Variants in LIMA1 observed in about 807,000 individuals in gnomAD.
The protein encoded by LIMA1 is LIM domain and actin binding 1.
Under a neutral mutation model 62.6 loss-of-function variants are expected in LIMA1, and 52 were observed. The observed-to-expected ratio is 0.83, with a 90% CI of 0.67 to 1.05. LIMA1 has a LOEUF of 1.05. LIMA1 is among the 50% of genes least tolerant of loss of function. The pLI is 0.00. For synonymous variants in LIMA1, 302 were observed against 317.8 expected (o/e 0.95, Z 0.53); for missense variants, 780 against 902.2 (o/e 0.86, Z 1.74).
Position 50,261,104 on chromosome 12 carries a change from G to A in LIMA1, c.-23-12330C>T, listed in dbSNP as rs557358765. On this transcript the variant is annotated intron_variant, in intron 1 of 10. Transcript: ENST00000341247. ...GTCTCGCTCTGTCGCCCAGGCTGGA[G>A]GGCAGTGGCGTGATCTGGGCTCACT... 1.1e-4 allele frequency among the ~76,000 whole-genome samples: 15 copies of A among 132,338 alleles called. No homozygotes were observed. In the East Asian group the frequency reaches 3.9e-3, roughly 34 times the overall value. 86.8% of individuals were successfully genotyped at this position (132,338 alleles called of 152,430 possible). A position where few individuals can be genotyped will look rare whatever the true frequency, so the allele number is the denominator to read the frequency against.
intron 4 of LIMA1, among the ~76,000 whole-genome samples, chr12:50,215,195 C>A (rs1941322445): frequency 6.6e-6 from 1 of 152,162 alleles, no homozygotes; most frequent in Non-Finnish European, 1.5e-5. Context: ...TTATGCAAAA[C>A]TAAACAAAAT....
intron 7 of LIMA1, among the ~76,000 whole-genome samples, chr12:50,196,417 A>C (rs967836351): frequency 6.6e-6 from 1 of 152,230 alleles, no homozygotes; most frequent in Non-Finnish European, 1.5e-5. Flanking sequence ...AACTAACCTC[A>C]GTATTATCTT....
At chr12:50,246,533 C>T (rs1941851759) in intron 2 of LIMA1, among the ~76,000 whole-genome samples, 1 of 152,126 alleles carries the variant, frequency 6.6e-6, no homozygotes, top group African/African-American at 2.4e-5. Context: ...CAATCTCTCA[C>T]CTTTCTAATA....
intron 2 of LIMA1, among the ~76,000 whole-genome samples, chr12:50,233,315 T>C (rs1347324137): frequency 1.3e-5 from 2 of 149,808 alleles, no homozygotes; most frequent in East Asian, 3.8e-4. Flanking sequence ...AATGTAATCA[T>C]GTGTAAAAAC....
Position 50,248,665 on chromosome 12 carries a change from G to T in LIMA1, c.87C>A (p.Asn29Lys), listed in dbSNP as rs1338978098. The T allele has an allele frequency of 1.9e-5, 30 of 1,612,654 alleles. No homozygotes were observed. Among genetic ancestry groups the T allele is most frequent in the Non-Finnish European group, 2.5e-5 (30 of 1,178,758 alleles). The change falls in exon 2 of 11, where the codon AAC becomes AAA. Residue 29 changes from asparagine to lysine, a missense_variant. By Grantham distance (94) the Asn-to-Lys change is moderately conservative (BLOSUM62 0). Coordinates refer to ENST00000341247, the MANE Select transcript of LIMA1 (RefSeq NM_016357.5). ...TAKELSLVNK[N>K]KSSAIVEIFS... The stretch of plus-strand genomic sequence containing the variant: ...ATATTTCCACAATAGCCGATGACTT[G>T]TTCTTGTTGACAAGAGAAAGTTCTT...
At chr12:50,190,682 AT>A (rs762182699) in intron 9 of LIMA1, among the ~76,000 whole-genome samples, 13 of 93,030 alleles carry the variant, frequency 1.4e-4, no homozygotes, top group African/African-American at 1.8e-4. Flanking sequence ...ACCCGGCCTC[AT>A]TTTTTTTTTT....
chr12:50,242,583 G>T (rs974286381), intron 2 of LIMA1, among the ~76,000 whole-genome samples: 2 of 152,150 alleles, frequency 1.3e-5, no homozygotes, highest in Non-Finnish European at 2.9e-5. Context: ...GGATCTTCAT[G>T]CTGTGATCAT....
intron 8 of LIMA1, among the ~76,000 whole-genome samples, chr12:50,193,587 A>G (rs28731099): frequency 4.6e-5 from 5 of 109,562 alleles, no homozygotes; most frequent in African/African-American, 1.4e-4. Flanking sequence ...ATATACATGT[A>G]TATATGATAT....
intron 7 of LIMA1, among the ~76,000 whole-genome samples, chr12:50,197,628 C>CG (rs1478648799): frequency 6.6e-6 from 1 of 152,122 alleles, no homozygotes; most frequent in Non-Finnish European, 1.5e-5. Context: ...TCTAATCTTC[C>CG]AGTTCAGTTC....
intron 1 of LIMA1, among the ~76,000 whole-genome samples, chr12:50,260,226 C>T (rs1378126187): frequency 2.0e-5 from 3 of 151,678 alleles, no homozygotes; most frequent in Non-Finnish European, 4.4e-5. Flanking sequence ...TGGCTCACTG[C>T]AACTTCCGCC....
intron 1 of LIMA1, among the ~76,000 whole-genome samples, chr12:50,265,716 C>T (rs1414550087): frequency 6.6e-6 from 1 of 152,130 alleles, no homozygotes; most frequent in Non-Finnish European, 1.5e-5. Context: ...AAACACAAAT[C>T]ACTTTTTTAG....
At chr12:50,229,452 A>G (rs371502897) in intron 3 of LIMA1, among the ~76,000 whole-genome samples, 1 of 152,132 alleles carries the variant, frequency 6.6e-6, no homozygotes, top group South Asian at 2.1e-4. Context: ...ACAAAAAACC[A>G]AACACCGCAT....
intron 1 of LIMA1, among the ~76,000 whole-genome samples, chr12:50,265,739 T>C (rs775705955): frequency 3.9e-5 from 6 of 152,184 alleles, no homozygotes; most frequent in Non-Finnish European, 5.9e-5. Context: ...TAAATATAAC[T>C]TAGTGAATTA....
chr12:50,180,698 G>A (rs1940479356), intron 10 of LIMA1, among the ~76,000 whole-genome samples: 1 of 152,162 alleles, frequency 6.6e-6, no homozygotes, highest in African/African-American at 2.4e-5. Context: ...AGGAGATTTG[G>A]TGTCTCTTGC....
At chr12:50,253,841 A>G (rs1395086786) in intron 1 of LIMA1, among the ~76,000 whole-genome samples, 2 of 151,912 alleles carry the variant, frequency 1.3e-5, no homozygotes, top group East Asian at 1.9e-4. Flanking sequence ...AGTCTGGCCA[A>G]TGTAGCAAAA....
chr12:50,184,753 A>G (rs1940588132), intron 9 of LIMA1, among the ~76,000 whole-genome samples: 1 of 152,244 alleles, frequency 6.6e-6, no homozygotes, highest in Non-Finnish European at 1.5e-5. Flanking sequence ...CACATAATGT[A>G]AAAGTAGGAC....
chr12:50,193,061 A>G (rs904352354), intron 8 of LIMA1, among the ~76,000 whole-genome samples: 3 of 152,140 alleles, frequency 2.0e-5, no homozygotes, highest in Non-Finnish European at 2.9e-5. Flanking sequence ...GGTCAGTTCT[A>G]TAGCAGATAC....
intron 10 of LIMA1, among the ~76,000 whole-genome samples, chr12:50,179,695 C>A (rs973984943): frequency 6.6e-6 from 1 of 150,824 alleles, no homozygotes; most frequent in Admixed American, 6.6e-5. Flanking sequence ...CCTCGGCCTC[C>A]CAAAGTGCTG....
intron 7 of LIMA1, among the ~76,000 whole-genome samples, chr12:50,200,421 G>A (rs1270455776): frequency 4.0e-5 from 6 of 151,684 alleles, no homozygotes; most frequent in African/African-American, 1.2e-4. Flanking sequence ...GGCTGGTCTC[G>A]AACTCCTGAC....
Sources: gnomAD v4.1 joint callset for allele counts (sites outside exome capture counted in the v4.1 genomes callset) on GRCh38, gnomAD v4.1.1 for gene constraint, MANE v1.5 for transcripts, NCBI Gene and HGNC (gene_info 2026-07-23, HGNC 2026-07-21) for gene names.